Variants in REL observed in about 807,000 individuals in gnomAD.
REL encodes the protein proto-oncogene c-Rel.
REL carries 15 observed loss-of-function variants against 45.9 expected under a neutral mutation model. The ratio of observed to expected loss-of-function variants is 0.33; its 90% CI spans 0.22 to 0.50. The LOEUF is 0.50. REL is among the 20% of genes least tolerant of loss of function. REL has a pLI of 0.98. For missense variants in REL, 601 were observed against 715.2 expected, an observed-to-expected ratio of 0.84 and a Z score of 1.82; for synonymous variants, 239 against 242.1, an observed-to-expected ratio of 0.99 and a Z score of 0.12.
chr2:60,920,245 A>C (rs1275427480), intron 8 of REL, 136 bp downstream of exon 8: 2 of 722,912 alleles, frequency 2.8e-6, no homozygotes, highest in Non-Finnish European at 4.6e-6. Flanking sequence ...TCTGTCACCC[A>C]GGCTGGAGTG....
intron 3 of REL, chr2:60,899,948 AAT>A (rs1673451166): frequency 6.6e-6 from 1 of 152,306 alleles, no homozygotes; most frequent in South Asian, 2.1e-4. Flanking sequence ...AACTTTATAT[AAT>A]GTGGCACAAA....
At chr2:60,887,368 C>CTTATATGATTATTTAACGTTT (rs1673097150) in intron 1 of REL, among the ~76,000 whole-genome samples, 1 of 151,850 alleles carries the variant, frequency 6.6e-6, no homozygotes, top group Non-Finnish European at 1.5e-5. Context: ...TGACTAATCA[C>CTTATATGATTATTTAACGTTT]TTATATGATT....
chr2:60,916,527 C>T (rs964750152), intron 4 of REL, among the ~76,000 whole-genome samples: 1 of 152,190 alleles, frequency 6.6e-6, no homozygotes, highest in Non-Finnish European at 1.5e-5. Context: ...GGACCAAATA[C>T]ATACTTGTTG....
At chr2:60,914,977 G>A (rs1000079605) in intron 4 of REL, among the ~76,000 whole-genome samples, 7 of 151,900 alleles carry the variant, frequency 4.6e-5, no homozygotes, top group Admixed American at 6.6e-5. Context: ...GATTATAGGC[G>A]CCCGCCACCA....
rs140814575 is a variant in REL, at chr2:60,907,318, T to A, written c.394+6235T>A. Among the ~76,000 whole-genome samples, 501 of 152,282 alleles carry A rather than the reference T, an allele frequency of 3.3e-3. 6 individuals carry two copies. The highest frequency in any genetic ancestry group is 0.012 in the African/African-American group (480 of 41,564). On this transcript the variant is annotated intron_variant, in intron 4 of 9. Transcript: ENST00000394479. ...TTCTGGAGGATGAGGACTGTCTTCCTTGTATCTCTGGCACATGAAAGAAGC... is the reference window on the plus strand; with the variant it reads ...TTCTGGAGGATGAGGACTGTCTTCCATGTATCTCTGGCACATGAAAGAAGC...
At chr2:60,898,958 C>A (rs180765490) in intron 3 of REL, 1 of 152,266 alleles carries the variant, frequency 6.6e-6, no homozygotes, top group East Asian at 1.9e-4. Context: ...ATCTCTTGAT[C>A]CTTCATTTCA....
At chr2:60,896,210 T>C (rs1673343297) in intron 3 of REL, among the ~76,000 whole-genome samples, 1 of 152,172 alleles carries the variant, frequency 6.6e-6, no homozygotes, top group Non-Finnish European at 1.5e-5. Context: ...GGTTTCACCA[T>C]GTTGGCTGGG....
intron 1 of REL, among the ~76,000 whole-genome samples, chr2:60,891,165 T>C (rs1273198122): frequency 6.6e-6 from 1 of 152,204 alleles, no homozygotes; most frequent in Non-Finnish European, 1.5e-5. Context: ...TATAAAAAAC[T>C]TACATATGCT....
At chr2:60,889,762 T>C (rs1673161328) in intron 1 of REL, among the ~76,000 whole-genome samples, 1 of 152,212 alleles carries the variant, frequency 6.6e-6, no homozygotes. Flanking sequence ...TCTATGTCCC[T>C]ACAAAGGACA....
At position 60,922,011 on chromosome 2, in the gene REL, T is replaced by C; in HGVS notation, c.1240T>C (p.Phe414Leu). 1 of 1,614,204 alleles carries C rather than the reference T, an allele frequency of 6.2e-7. No homozygotes were observed. The highest frequency in any genetic ancestry group is 8.5e-7 in the Non-Finnish European group (1 of 1,180,036). Residue 414 changes from phenylalanine (F) to leucine (L), a missense_variant, in exon 10 of 10, where the codon TTC (phenylalanine) becomes CTC (leucine). By Grantham distance (22) the Phe-to-Leu change is conservative. Around this residue, in one of 4 missense-constraint regions of REL, gnomAD observed 334 missense variants for 333.1 expected, o/e 1.00. Coordinates refer to ENST00000394479, the MANE Select transcript of REL (RefSeq NM_001291746.2). ...TTCTAATTCGCAAGGTATCCCACCA[T>C]TCCTGAGAATACCTGTTGGGAATGA... Reference protein sequence around the residue: ...LPSNSQGIPPFLRIPVGNDLN... With the variant: ...LPSNSQGIPPLLRIPVGNDLN...
chr2:60,898,007 T>C (rs1673397137), intron 3 of REL, among the ~76,000 whole-genome samples: 1 of 152,184 alleles, frequency 6.6e-6, no homozygotes, highest in Non-Finnish European at 1.5e-5. Flanking sequence ...AGGTGTCATC[T>C]CTGACATTCC....
At chr2:60,895,303 T>G (rs1465240907) in intron 3 of REL, among the ~76,000 whole-genome samples, 1 of 152,096 alleles carries the variant, frequency 6.6e-6, no homozygotes, top group Non-Finnish European at 1.5e-5. Context: ...AGCCTCAGCC[T>G]CCTGAGTAGC....
chr2:60,925,785 G>GT lies in REL; in HGVS notation c.*3257dup, dbSNP rs1184322167. The GT allele has an allele frequency of 5.8e-5, 12 of 207,802 alleles. 1 individual carries two copies. In the South Asian group the frequency reaches 1.9e-3, roughly 33 times the overall value. The allele number at this position is 207,802 out of a possible 1,614,324, so 12.9% of individuals were successfully genotyped here. A position where few individuals can be genotyped will look rare whatever the true frequency, so the allele number is the denominator to read the frequency against. ...ACTGACTGTTAGAATAGCTGCATGG[G>GT]TTTTTTTCTTTAAACTAATTAAGCG... On this transcript the variant is annotated 3_prime_UTR_variant, in exon 10 of 10. Transcript: ENST00000394479.
chr2:60,921,749 T>G lies in REL; in HGVS notation c.992-14T>G, dbSNP rs751219280. On this transcript the variant is annotated splice_polypyrimidine_tract_variant and intron_variant, in intron 9 of 9. Transcript: ENST00000394479. ...TTCATTTTAATTTCGTAAAATAAATTTTTCCTCCCACAGAACCAAACTTGT... is the reference window on the plus strand; with the variant it reads ...TTCATTTTAATTTCGTAAAATAAATGTTTCCTCCCACAGAACCAAACTTGT... 6.4e-7 allele frequency: 1 copy of G among 1,561,560 alleles called. No homozygotes were observed. The highest frequency in any genetic ancestry group is 8.7e-7 in the Non-Finnish European group (1 of 1,153,388).
rs1298919693 is a variant in REL, at chr2:60,925,759, CACTG to C, written c.*3229_*3232del. ...ATTAATTAGCACCAATCAGTTTAAACACTGACTGTTAGAATAGCTGCATGGGTTT... is the reference window on the plus strand; with the variant it reads ...ATTAATTAGCACCAATCAGTTTAAACACTGTTAGAATAGCTGCATGGGTTT... On this transcript the variant is annotated 3_prime_UTR_variant, in exon 10 of 10. Coordinates refer to ENST00000394479, the MANE Select transcript of REL (RefSeq NM_001291746.2). The C allele has an allele frequency of 2.5e-5, 5 of 201,288 alleles. No individual in the cohort carries two copies. The highest frequency in any genetic ancestry group is 1.2e-4 in the African/African-American group (5 of 43,348). The allele number at this position is 201,288 out of a possible 1,614,324, so 12.5% of individuals were successfully genotyped here.
chr2:60,889,868 T>C (rs1673164903), intron 1 of REL, among the ~76,000 whole-genome samples: 1 of 152,250 alleles, frequency 6.6e-6, no homozygotes, highest in Non-Finnish European at 1.5e-5. Flanking sequence ...TTTGGGTTGG[T>C]TCCAAGTCTT....
At chr2:60,919,908 ATACT>A in intron 7 of REL, 129 bp from the exon 8 acceptor site, 2 of 615,842 alleles carry the variant, frequency 3.2e-6, no homozygotes, top group Non-Finnish European at 2.9e-6. Context: ...ATATTCTATA[ATACT>A]TATTAAATCC....
intron 4 of REL, among the ~76,000 whole-genome samples, chr2:60,915,679 G>A (rs1293146511): frequency 6.6e-6 from 1 of 152,122 alleles, no homozygotes; most frequent in Non-Finnish European, 1.5e-5. Flanking sequence ...AAATTGTTAT[G>A]TAAATAATGT....
chr2:60,916,265 T>C (rs1475786926), intron 4 of REL, among the ~76,000 whole-genome samples: 4 of 151,948 alleles, frequency 2.6e-5, no homozygotes, highest in African/African-American at 4.8e-5. Flanking sequence ...AATAGAAAAA[T>C]TAGCTGGGCG....
Sources: gnomAD v4.1 joint callset for allele counts (sites outside exome capture counted in the v4.1 genomes callset) on GRCh38, gnomAD v4.1.1 for gene constraint, gnomAD v4.1.1 regional missense constraint, MANE v1.5 for transcripts, NCBI Gene and HGNC (gene_info 2026-07-23, HGNC 2026-07-21) for gene names.